The following CALD1 variants were observed in gnomAD, a reference collection of about 807,000 sequenced individuals.
The protein encoded by CALD1 is caldesmon 1.
In CALD1, 33 loss-of-function variants were observed where a neutral mutation model predicts 99.9. That is an observed-to-expected ratio of 0.33 (90% CI 0.25 to 0.44). CALD1 has a LOEUF of 0.44. Among genes scored for constraint, CALD1 ranks in the 20% least tolerant of loss-of-function variants. The pLI is 1.00. For synonymous variants in CALD1, 310 were observed against 325.0 expected (o/e 0.95, Z 0.50); for missense variants, 861 against 962.1 (o/e 0.89, Z 1.39).
At chr7:134,760,318 G>A (rs1462093987) in intron 1 of CALD1, among the ~76,000 whole-genome samples, 1 of 152,230 alleles carries the variant, frequency 6.6e-6, no homozygotes, top group Non-Finnish European at 1.5e-5. Flanking sequence ...GTTTGGGGAT[G>A]GAGAGGCAGA....
At chr7:134,884,416 G>T (rs1474245794) in intron 3 of CALD1, among the ~76,000 whole-genome samples, 2 of 152,094 alleles carry the variant, frequency 1.3e-5, no homozygotes, top group African/African-American at 4.8e-5. Flanking sequence ...TATTGACTAC[G>T]CAGCTTCCTA....
intron 1 of CALD1, among the ~76,000 whole-genome samples, chr7:134,758,078 G>A (rs1384334951): frequency 6.6e-6 from 1 of 152,080 alleles, no homozygotes; most frequent in African/African-American, 2.4e-5. Context: ...CACAGTTTAC[G>A]TGGGCCCACC....
At chr7:134,805,562 T>C (rs756812745) in intron 1 of CALD1, among the ~76,000 whole-genome samples, 8 of 152,200 alleles carry the variant, frequency 5.3e-5, no homozygotes, top group African/African-American at 7.2e-5. Flanking sequence ...TCCTGTTTTC[T>C]ATTATTTGTG....
chr7:134,784,890 A>C (rs1384828411), intron 1 of CALD1, among the ~76,000 whole-genome samples: 3 of 152,152 alleles, frequency 2.0e-5, no homozygotes, highest in Non-Finnish European at 4.4e-5. Flanking sequence ...TCAACTGGAA[A>C]ATTTCTTCTG....
chr7:134,916,786 C>A (rs1804238451), intron 3 of CALD1, among the ~76,000 whole-genome samples: 2 of 152,196 alleles, frequency 1.3e-5, no homozygotes, highest in Non-Finnish European at 2.9e-5. Flanking sequence ...TAATTTGAAG[C>A]TCAACCACAT....
the CALD1 span, among the ~76,000 whole-genome samples, chr7:134,725,584 A>G: frequency 6.6e-6 from 1 of 152,248 alleles, no homozygotes; most frequent in African/African-American, 2.4e-5. Context: ...TGTCCCACCT[A>G]ACAAAGCTGA....
intron 1 of CALD1, among the ~76,000 whole-genome samples, chr7:134,787,393 A>T (rs1039420364): frequency 7.9e-5 from 12 of 152,130 alleles, no homozygotes; most frequent in Non-Finnish European, 1.6e-4. Context: ...GAGAAAAAAA[A>T]TTTTAAGTAT....
At chr7:134,870,710 C>T (rs760252572) in intron 3 of CALD1, among the ~76,000 whole-genome samples, 1 of 150,454 alleles carries the variant, frequency 6.6e-6, no homozygotes, top group African/African-American at 2.4e-5. Context: ...TTCTTGCTTC[C>T]ATTCATTTCC....
chr7:134,779,806 C>T (rs1797034292), intron 1 of CALD1, 57 bp downstream of exon 1: 3 of 397,550 alleles, frequency 7.5e-6, no homozygotes, highest in Admixed American at 4.4e-5. Context: ...GGACTTTCTC[C>T]GGCTTTCAGT....
upstream of CALD1, among the ~76,000 whole-genome samples, chr7:134,779,254 A>G (rs1797010584): frequency 6.6e-6 from 1 of 152,196 alleles, no homozygotes; most frequent in Non-Finnish European, 1.5e-5. Context: ...GTGTTCTACA[A>G]GACAGCCTCT....
intron 1 of CALD1, among the ~76,000 whole-genome samples, chr7:134,748,708 T>TTCC (rs1562988094): frequency 8.3e-5 from 11 of 132,250 alleles, no homozygotes; most frequent in Non-Finnish European, 9.6e-5. Context: ...TGAAACTCCA[T>TTCC]CCCCCCGCCC....
intron 9 of CALD1, among the ~76,000 whole-genome samples, chr7:134,953,431 G>A (rs909171772): frequency 1.2e-4 from 18 of 151,754 alleles, no homozygotes; most frequent in African/African-American, 4.4e-4. Flanking sequence ...GCGCAGTGGC[G>A]CATGCCTGTA....
chr7:134,726,398 T>TTATATTATATAGCTTTATATATATAATA, the CALD1 span, among the ~76,000 whole-genome samples: 16 of 125,072 alleles, frequency 1.3e-4, no homozygotes, highest in Non-Finnish European at 3.2e-5. Context: ...TTTTTATATA[T>TTATATTATATAGCTTTATATATATAATA]TATATTATAT....
At chr7:134,946,745 A>G (rs1486814475) in intron 7 of CALD1, among the ~76,000 whole-genome samples, 1 of 151,432 alleles carries the variant, frequency 6.6e-6, no homozygotes, top group Non-Finnish European at 1.5e-5. Context: ...CAGTGGCACA[A>G]TCTCGGCTCA....
the CALD1 span, among the ~76,000 whole-genome samples, chr7:134,726,444 TA>T: frequency 1.1e-4 from 4 of 35,176 alleles, no homozygotes; most frequent in East Asian, 0.018. Context: ...TATAGCTTTA[TA>T]TATATAATAT....
chr7:134,922,577 A>C (rs1393446272), intron 3 of CALD1, among the ~76,000 whole-genome samples: 2 of 152,198 alleles, frequency 1.3e-5, no homozygotes, highest in Non-Finnish European at 2.9e-5. Context: ...AGAAGTTTTG[A>C]GAAATATTTG....
chr7:134,960,538 T>A lies in CALD1; in HGVS notation c.2205T>A (p.Thr735=). 1 of 1,608,780 alleles carries A rather than the reference T, an allele frequency of 6.2e-7. No individual in the cohort carries two copies. Among genetic ancestry groups the A allele is most frequent in the South Asian group, 1.1e-5 (1 of 90,936 alleles). The change falls in exon 13 of 15, where the codon ACT becomes ACA. Residue 735 remains threonine, a synonymous_variant. Coordinates refer to ENST00000361675, the MANE Select transcript of CALD1 (RefSeq NM_033138.4). ...GGATGATTGCCCCTTTGTAGGAAAC[T>A]GCTGGCTTGAAGGTAGGGGTTTCTA... ...PTAAGTPNKE[T]AGLKVGVSSR...
intron 3 of CALD1, among the ~76,000 whole-genome samples, chr7:134,905,018 G>A (rs1803266932): frequency 6.6e-6 from 1 of 152,080 alleles, no homozygotes; most frequent in Admixed American, 6.5e-5. Context: ...AAAAAAGAAA[G>A]AGAAAAGTAA....
chr7:134,838,852 T>G (rs1799541956), intron 1 of CALD1, among the ~76,000 whole-genome samples: 2 of 152,230 alleles, frequency 1.3e-5, no homozygotes, highest in African/African-American at 4.8e-5. Flanking sequence ...TTTGAGCTCA[T>G]AAATTCCCTG....
Sources: allele counts gnomAD v4.1 joint callset (sites outside exome capture counted in the v4.1 genomes callset), GRCh38; gene constraint gnomAD v4.1.1; transcripts MANE v1.5; gene names NCBI Gene and HGNC (gene_info 2026-07-23, HGNC 2026-07-21).